EPM2AIP1: variants seen among roughly 807,000 people sequenced by gnomAD.
EPM2AIP1 encodes the protein EPM2A-interacting protein 1.
In EPM2AIP1, 23 loss-of-function variants were observed where a neutral mutation model predicts 44.8. The ratio of observed to expected loss-of-function variants is 0.51; its 90% CI spans 0.37 to 0.73. EPM2AIP1 has a LOEUF of 0.73. Among genes scored for constraint, EPM2AIP1 ranks in the 30% least tolerant of loss-of-function variants. The pLI, the probability that EPM2AIP1 is intolerant of heterozygous loss-of-function variation, is 0.00. For missense variants in EPM2AIP1, 652 were observed against 743.9 expected (o/e 0.88, Z 1.44); for synonymous variants, 311 against 284.3 (o/e 1.09, Z -0.94).
At position 36,991,530 on chromosome 3, in the gene EPM2AIP1, A is replaced by T. The variant is rs752123873; in HGVS notation, c.1548T>A (p.Leu516=). ...AGTCTTTGATTCTGTATTCATTCCA[A>T]AGATTAGTGTTTGCCTGAAGTTTTG... ...ELTKLQANTN[L]WNEYRIKDLG... Residue 516 remains leucine, a synonymous_variant, in exon 1 of 1, where the codon CTT becomes CTA. Transcript: ENST00000322716. 3 of 1,613,790 alleles carry T rather than the reference A, an allele frequency of 1.9e-6. No homozygotes were observed. The highest frequency in any genetic ancestry group is 2.5e-6 in the Non-Finnish European group (3 of 1,179,776).
At position 36,991,329 on chromosome 3, in the gene EPM2AIP1, C is replaced by A; in HGVS notation, c.1749G>T (p.Leu583=). The A allele has an allele frequency of 2.5e-6, 4 of 1,614,008 alleles. No individual in the cohort carries two copies. Among genetic ancestry groups the A allele is most frequent in the Non-Finnish European group, 1.7e-6 (2 of 1,179,874 alleles). Residue 583 remains leucine, a synonymous_variant, in exon 1 of 1, where the codon CTG becomes CTT. Transcript: ENST00000322716. The part of the protein sequence containing the change: ...QPLTDEHLQA[L]FRVATTEMEP... The stretch of plus-strand genomic sequence containing the variant: ...CCATTTCAGTTGTGGCAACCCGAAA[C>A]AGGGCTTGGAGATGCTCATCTGTTA...
Position 36,992,872 on chromosome 3 carries a change from A to G in EPM2AIP1, c.206T>C (p.Val69Ala). The G allele has an allele frequency of 9.9e-6, 16 of 1,611,462 alleles. No individual in the cohort carries two copies. The highest frequency in any genetic ancestry group is 1.4e-5 in the Non-Finnish European group (16 of 1,179,674). The part of the protein sequence containing the change: ...EAEHEYYERY[V>A]ADGERAALVE... ...CAGGGCCGCGCGCTCGCCGTCCGCC[A>G]CATACCGCTCGTAGTATTCGTGCTC... Residue 69 changes from valine to alanine, a missense_variant, in exon 1 of 1, where the codon GTG becomes GCG. Physicochemically the swap from Val to Ala is moderately conservative, Grantham distance 64 (BLOSUM62 0). Transcript: ENST00000322716. This position sits in a 1 kb window ranked among gnomAD's most constrained non-coding sequence, Gnocchi z 5.3.
In EPM2AIP1 at chr3:36,991,140, G is replaced by A. The variant is rs1011045294; in HGVS notation, c.*114C>T. The A allele has an allele frequency of 1.0e-5, 15 of 1,438,916 alleles. No individual in the cohort carries two copies. In the African/African-American group the frequency reaches 1.8e-4, roughly 18 times the overall value. 89.1% of individuals were successfully genotyped at this position (1,438,916 alleles called of 1,614,324 possible). On this transcript the variant is annotated 3_prime_UTR_variant, in exon 1 of 1. Transcript: ENST00000322716. ...AATTTTAATTGTGATCAGTTTGGAC[G>A]GCTGGTACTTGGTACTTTCTCACAA...
chr3:36,990,432 G>A lies in EPM2AIP1; in HGVS notation c.*822C>T. On this transcript the variant is annotated 3_prime_UTR_variant, in exon 1 of 1. Coordinates refer to ENST00000322716, the MANE Select transcript of EPM2AIP1 (RefSeq NM_014805.4). ...CATCGTTTTTGATAGGGCCAAACTT[G>A]TGTCTACAGTAAAAAAAAAAAAAAA... 3 of 960,092 alleles carry A rather than the reference G, an allele frequency of 3.1e-6. No homozygotes were observed. Among genetic ancestry groups the A allele is most frequent in the Non-Finnish European group, 3.7e-6 (3 of 814,592 alleles). The allele number at this position is 960,092 out of a possible 1,614,324, so 59.5% of individuals were successfully genotyped here.
Position 36,992,804 on chromosome 3 carries a change from T to C in EPM2AIP1, c.274A>G (p.Thr92Ala). 6.2e-7 allele frequency: 1 copy of C among 1,612,566 alleles called. No homozygotes were observed. The highest frequency in any genetic ancestry group is 8.5e-7 in the Non-Finnish European group (1 of 1,179,754). Residue 92 changes from threonine to alanine, a missense_variant, in exon 1 of 1, where the codon ACT (threonine) becomes GCT (alanine). Physicochemically the swap from Thr to Ala is moderately conservative, Grantham distance 58 (BLOSUM62 0). Coordinates refer to ENST00000322716, the MANE Select transcript of EPM2AIP1 (RefSeq NM_014805.4). This position sits in a 1 kb window ranked among gnomAD's most constrained non-coding sequence, Gnocchi z 5.3. The part of the protein sequence containing the change: ...RQGDLPVASF[T>A]PEERAARAGL... ...GCACGAGCAGCTCTCTCTTCAGGAG[T>C]GAAGGAGGCCACGGGCAAGTCGCCC...
rs1396419377 is a variant in EPM2AIP1, at chr3:36,990,238, G to A, written c.*1016C>T. 3.8e-5 allele frequency: 7 copies of A among 186,086 alleles called. No homozygotes were observed. The highest frequency in any genetic ancestry group is 3.8e-4 in the East Asian group (2 of 5,316). The allele number at this position is 186,086 out of a possible 1,614,324, so 11.5% of individuals were successfully genotyped here. The stretch of plus-strand genomic sequence containing the variant: ...ATGTGTACGACAGTTCCAAATTTTA[G>A]AATAAATCCATTTCTAGCATCTAAC... On this transcript the variant is annotated 3_prime_UTR_variant, in exon 1 of 1. Transcript: ENST00000322716.
Position 36,990,581 on chromosome 3 carries a change from T to G in EPM2AIP1, c.*673A>C. 2.0e-6 allele frequency: 2 copies of G among 985,652 alleles called. No homozygotes were observed. Among genetic ancestry groups the G allele is most frequent in the Non-Finnish European group, 2.4e-6 (2 of 829,764 alleles). The allele number at this position is 985,652 out of a possible 1,614,324, so 61.1% of individuals were successfully genotyped here. The stretch of plus-strand genomic sequence containing the variant: ...AAGGAAAACCCCCAATAATTAGTCT[T>G]ATCTCCAAATTGCATGAAGTCTCCT... On this transcript the variant is annotated 3_prime_UTR_variant, in exon 1 of 1. Transcript: ENST00000322716.
Position 36,992,155 on chromosome 3 carries a change from A to C in EPM2AIP1, c.923T>G (p.Ile308Ser), listed in dbSNP as rs745563339. ...AGGTCGCCTAACGCCTCTGGTCTTAATCAAAACTATCCATTCGGATATGGT... is the reference window on the plus strand; with the variant it reads ...AGGTCGCCTAACGCCTCTGGTCTTACTCAAAACTATCCATTCGGATATGGT... The part of the protein sequence containing the change: ...INTISEWIVL[I>S]KTRGVRRPEF... Residue 308 changes from isoleucine to serine, a missense_variant, in exon 1 of 1, where the codon ATT (isoleucine) becomes AGT (serine). Transcript: ENST00000322716. This position sits in a 1 kb window ranked among gnomAD's most constrained non-coding sequence, Gnocchi z 5.3. 1.2e-6 allele frequency: 2 copies of C among 1,614,050 alleles called. No homozygotes were observed. Among genetic ancestry groups the C allele is most frequent in the Non-Finnish European group, 1.7e-6 (2 of 1,179,894 alleles).
rs2080792591 is a variant in EPM2AIP1, at chr3:36,989,869, T to G, written c.*1385A>C. ...AAGCTCTTATGCCATTTATTTTAAT[T>G]GCCCAGACATCAATTCCACCTAAAT... On this transcript the variant is annotated 3_prime_UTR_variant, in exon 1 of 1. Coordinates refer to ENST00000322716, the MANE Select transcript of EPM2AIP1 (RefSeq NM_014805.4). 2 of 152,208 alleles carry G rather than the reference T, an allele frequency of 1.3e-5. No individual in the cohort carries two copies. Among genetic ancestry groups the G allele is most frequent in the African/African-American group, 4.8e-5 (2 of 41,448 alleles). The allele number at this position is 152,208 out of a possible 1,614,324, so 9.4% of individuals were successfully genotyped here.
Position 36,991,490 on chromosome 3 carries a change from C to A in EPM2AIP1, c.1588G>T (p.Ala530Ser). The A allele has an allele frequency of 6.2e-7, 1 of 1,613,920 alleles. No individual in the cohort carries two copies. The highest frequency in any genetic ancestry group is 8.5e-7 in the Non-Finnish European group (1 of 1,179,834). The change falls in exon 1 of 1, where the codon GCT (alanine) becomes TCT (serine). Residue 530 changes from alanine (A) to serine (S), a missense_variant. Physicochemically the swap from Ala to Ser is moderately conservative, Grantham distance 99. Coordinates refer to ENST00000322716, the MANE Select transcript of EPM2AIP1 (RefSeq NM_014805.4). The part of the protein sequence containing the change: ...YRIKDLGQFY[A>S]GLSAESYPII... ...GGGTAGGATTCAGCAGACAATCCAG[C>A]ATAAAACTGCCCCAAGTCTTTGATT...
chr3:36,992,882 C>G lies in EPM2AIP1; in HGVS notation c.196G>C (p.Glu66Gln). The G allele has an allele frequency of 6.2e-7, 1 of 1,611,684 alleles. No individual in the cohort carries two copies. The highest frequency in any genetic ancestry group is 8.5e-7 in the Non-Finnish European group (1 of 1,179,750). Residue 66 changes from glutamate (E) to glutamine (Q), a missense_variant, in exon 1 of 1, where the codon GAG becomes CAG. Glu to Gln is a conservative substitution (Grantham distance 29). Transcript: ENST00000322716. This position sits in a 1 kb window ranked among gnomAD's most constrained non-coding sequence, Gnocchi z 5.3. ...RHYEAEHEYYERYVADGERAA... is the reference protein window; with the variant it reads ...RHYEAEHEYYQRYVADGERAA... ...CGCTCGCCGTCCGCCACATACCGCT[C>G]GTAGTATTCGTGCTCAGCCTCGTAG... is the stretch of plus-strand genomic sequence containing the variant.
rs1046400227 is a variant in EPM2AIP1 at position 36,988,842 on chromosome 3, T to C, written c.*2412A>G. On this transcript the variant is annotated 3_prime_UTR_variant, in exon 1 of 1. Transcript: ENST00000322716. ...ACAGTAACTGGTAAGGACCTAATAA[T>C]TTTTTTTTTAATGTACGTATTTTAA... The C allele has an allele frequency of 4.1e-5, 6 of 147,162 alleles. No homozygotes were observed. The highest frequency in any genetic ancestry group is 9.0e-5 in the Non-Finnish European group (6 of 66,802). The allele number at this position is 147,162 out of a possible 1,614,324, so 9.1% of individuals were successfully genotyped here. A position where few individuals can be genotyped will look rare whatever the true frequency, so the allele number is the denominator to read the frequency against.
At position 36,990,805 on chromosome 3, in the gene EPM2AIP1, A is replaced by C. The variant is rs1046512; in HGVS notation, c.*449T>G. ...TTATGTATGGGCTTCCTTTTTGGAA[A>C]CTTATGAACTTGCTATGTGAGCTTC... On this transcript the variant is annotated 3_prime_UTR_variant, in exon 1 of 1. Transcript: ENST00000322716. The C allele has an allele frequency of 0.42, 416,739 of 984,204 alleles. 92,988 individuals carry two copies. Among genetic ancestry groups the C allele is most frequent in the Non-Finnish European group, 0.46 (378,850 of 828,810 alleles). 61.0% of individuals were successfully genotyped at this position (984,204 alleles called of 1,614,324 possible).
chr3:36,990,778 T>A lies in EPM2AIP1; in HGVS notation c.*476A>T. ...TGATGGTTAGACAAAACACCTCCACTGTTATGTATGGGCTTCCTTTTTGGA... is the reference window on the plus strand; with the variant it reads ...TGATGGTTAGACAAAACACCTCCACAGTTATGTATGGGCTTCCTTTTTGGA... On this transcript the variant is annotated 3_prime_UTR_variant, in exon 1 of 1. Coordinates refer to ENST00000322716, the MANE Select transcript of EPM2AIP1 (RefSeq NM_014805.4). The A allele has an allele frequency of 1.0e-6, 1 of 985,738 alleles. No homozygotes were observed. The highest frequency in any genetic ancestry group is 1.2e-6 in the Non-Finnish European group (1 of 830,104). 61.1% of individuals were successfully genotyped at this position (985,738 alleles called of 1,614,324 possible).
Position 36,991,962 on chromosome 3 carries a change from G to A in EPM2AIP1, c.1116C>T (p.Phe372=). 1 of 1,613,906 alleles carries A rather than the reference G, an allele frequency of 6.2e-7. No individual in the cohort carries two copies. The highest frequency in any genetic ancestry group is 2.2e-5 in the East Asian group (1 of 44,880). Residue 372 remains phenylalanine (F), a synonymous_variant, in exon 1 of 1, where the codon TTC becomes TTT. Transcript: ENST00000322716. The part of the protein sequence containing the change: ...LVSVGATTVH[F]SDKQWLCDFG... ...AGTCACAAAGCCATTGTTTGTCTGA[G>A]AAGTGGACTGTTGTTGCCCCTACTG...
Position 36,992,816 on chromosome 3 carries a change from C to T in EPM2AIP1, c.262G>A (p.Val88Met), listed in dbSNP as rs776280016. The T allele has an allele frequency of 1.5e-5, 24 of 1,612,284 alleles. No homozygotes were observed. In the South Asian group the frequency reaches 2.0e-4, roughly 13 times the overall value. ...VERLRQGDLP[V>M]ASFTPEERAA... is the part of the protein sequence containing the mutation. ...CTCTCTTCAGGAGTGAAGGAGGCCA[C>T]GGGCAAGTCGCCCTGACGCAGACGC... Residue 88 changes from valine (V) to methionine (M), a missense_variant, in exon 1 of 1, where the codon GTG (valine) becomes ATG (methionine). Transcript: ENST00000322716. The surrounding 1 kb of genome is among the most constrained non-coding windows in gnomAD (Gnocchi z 5.3).
chr3:36,991,352 T>C lies in EPM2AIP1; in HGVS notation c.1726A>G (p.Thr576Ala). ...AACAGGGCTTGGAGATGCTCATCTG[T>C]TAATGGCTGACTCAAAGTGTGTTGG... ...RNQHTLSQPL[T>A]DEHLQALFRV... The change falls in exon 1 of 1, where the codon ACA (threonine) becomes GCA (alanine). Residue 576 changes from threonine to alanine, a missense_variant. Transcript: ENST00000322716. 1.2e-6 allele frequency: 2 copies of C among 1,614,036 alleles called. No individual in the cohort carries two copies. The highest frequency in any genetic ancestry group is 1.7e-6 in the Non-Finnish European group (2 of 1,179,884).
chr3:36,988,663 G>GT lies in EPM2AIP1; in HGVS notation c.*2590dup, dbSNP rs2080783295. 6.6e-6 allele frequency: 1 copy of GT among 152,152 alleles called. No homozygotes were observed. Among genetic ancestry groups the GT allele is most frequent in the Non-Finnish European group, 1.5e-5 (1 of 68,028 alleles). 9.4% of individuals were successfully genotyped at this position (152,152 alleles called of 1,614,324 possible). On this transcript the variant is annotated 3_prime_UTR_variant, in exon 1 of 1. Transcript: ENST00000322716. ...GACTAAGAAAGCACACCTGGAGATG[G>GT]TATCTCCTCAAAGCTAAAGTCATCA...
In EPM2AIP1 at chr3:36,990,456, AAAAG is replaced by A. The variant is rs920830488; in HGVS notation, c.*794_*797del. On this transcript the variant is annotated 3_prime_UTR_variant, in exon 1 of 1. Transcript: ENST00000322716. The stretch of plus-strand genomic sequence containing the variant: ...TGTGTCTACAGTAAAAAAAAAAAAA[AAAAG>A]AATTACTAACTGGCAACCATTAAGA... The A allele has an allele frequency of 2.5e-5, 25 of 983,884 alleles. No homozygotes were observed. The highest frequency in any genetic ancestry group is 2.3e-5 in the Non-Finnish European group (19 of 828,392). 60.9% of individuals were successfully genotyped at this position (983,884 alleles called of 1,614,324 possible).
Sources: allele counts gnomAD v4.1 joint callset, GRCh38; gene constraint gnomAD v4.1.1; non-coding constraint Gnocchi (gnomAD v3.1); transcripts MANE v1.5; gene names NCBI Gene and HGNC (gene_info 2026-07-23, HGNC 2026-07-21).